The following TBCEL variants were observed in gnomAD, a reference collection of about 807,000 sequenced individuals.
TBCEL encodes tubulin folding cofactor E like, also known as tubulin-specific chaperone cofactor E-like protein.
A neutral mutation model predicts 44.2 loss-of-function variants in TBCEL; 15 were observed. The observed-to-expected ratio is 0.34, with a 90% CI of 0.23 to 0.52. The LOEUF is 0.52. Ranked by LOEUF, TBCEL falls within the 20% of genes least tolerant of loss-of-function variation. The pLI is 0.95. For missense variants in TBCEL, 319 were observed against 506.3 expected (o/e 0.63, Z 3.55); for synonymous variants, 171 against 185.4 (o/e 0.92, Z 0.63).
Position 121,055,091 on chromosome 11 carries a change from A to C in TBCEL, c.495A>C (p.Thr165=). The stretch of plus-strand genomic sequence containing the variant: ...TCCTGTGCCTTAATGACTATGAAAC[A>C]GTGTCTTGTCCTTCTATTTGCTGTC... The part of the protein sequence containing the change: ...ELFLCLNDYE[T]VSCPSICCHS... The change falls in exon 6 of 9, where the codon ACA becomes ACC. Residue 165 remains threonine (T), a synonymous_variant. Transcript: ENST00000683345. 3 of 1,584,782 alleles carry C rather than the reference A, an allele frequency of 1.9e-6. No individual in the cohort carries two copies. The highest frequency in any genetic ancestry group is 2.6e-6 in the Non-Finnish European group (3 of 1,162,966).
At chr11:121,026,823 A>T (rs1945054846) in intron 1 of TBCEL, among the ~76,000 whole-genome samples, 1 of 152,164 alleles carries the variant, frequency 6.6e-6, no homozygotes, top group Non-Finnish European at 1.5e-5. Flanking sequence ...ATTAAGGAAG[A>T]TTCTTATTTA....
chr11:121,088,943 C>G lies in TBCEL; in HGVS notation c.*1847C>G, dbSNP rs1184759137. 1 of 152,112 alleles carries G rather than the reference C, an allele frequency of 6.6e-6. No individual in the cohort carries two copies. Among genetic ancestry groups the G allele is most frequent in the Non-Finnish European group, 1.5e-5 (1 of 68,022 alleles). 9.4% of individuals were successfully genotyped at this position (152,112 alleles called of 1,614,324 possible). A position where few individuals can be genotyped will look rare whatever the true frequency, so the allele number is the denominator to read the frequency against. ...AATCATAAAAATGAGCAATGGAGAT[C>G]CAGGCTGGGTATAGACAAGAATAAT... On this transcript the variant is annotated 3_prime_UTR_variant, in exon 9 of 9. Coordinates refer to ENST00000683345, the MANE Select transcript of TBCEL (RefSeq NM_001363644.2).
intron 1 of TBCEL, among the ~76,000 whole-genome samples, chr11:121,034,752 A>G (rs763570896): frequency 1.2e-4 from 18 of 152,368 alleles, no homozygotes; most frequent in Middle Eastern, 6.8e-3. Flanking sequence ...TATATTATTT[A>G]AAATGAAAAG....
rs190167368 is a variant in TBCEL at position 121,071,198 on chromosome 11, T to G, written c.956+11113T>G. The stretch of plus-strand genomic sequence containing the variant: ...TTTTCAGTGTTCCCTTCATTTTGTG[T>G]TTACTTTCTCTCTCCATTTCCTCTG... On this transcript the variant is annotated intron_variant, in intron 8 of 8. Coordinates refer to ENST00000683345, the MANE Select transcript of TBCEL (RefSeq NM_001363644.2). Among the ~76,000 whole-genome samples the G allele has an allele frequency of 3.9e-3, 593 of 152,320 alleles. 2 individuals are homozygous for G. Among genetic ancestry groups the G allele is most frequent in the Middle Eastern group, 0.017 (5 of 294 alleles).
In TBCEL at chr11:121,089,342, T is replaced by C. The variant is rs1946260386; in HGVS notation, c.*2246T>C. ...ATTACAGAACACAGTGTTTATCAACTGCGGACATAATTCTTTTATTATACA... is the reference window on the plus strand; with the variant it reads ...ATTACAGAACACAGTGTTTATCAACCGCGGACATAATTCTTTTATTATACA... On this transcript the variant is annotated 3_prime_UTR_variant, in exon 9 of 9. Transcript: ENST00000683345. 1 of 152,234 alleles carries C rather than the reference T, an allele frequency of 6.6e-6. No individual in the cohort carries two copies. Among genetic ancestry groups the C allele is most frequent in the African/African-American group, 2.4e-5 (1 of 41,462 alleles). The allele number at this position is 152,234 out of a possible 1,614,324, so 9.4% of individuals were successfully genotyped here. A position where few individuals can be genotyped will look rare whatever the true frequency, so the allele number is the denominator to read the frequency against.
At chr11:121,065,425 A>G (rs903519423) in intron 8 of TBCEL, among the ~76,000 whole-genome samples, 4 of 152,144 alleles carry the variant, frequency 2.6e-5, no homozygotes, top group Non-Finnish European at 5.9e-5. Context: ...ATCCTCCTGT[A>G]TACCTCCATT....
At chr11:121,026,526 A>G (rs570664911) in intron 1 of TBCEL, among the ~76,000 whole-genome samples, 4 of 152,316 alleles carry the variant, frequency 2.6e-5, no homozygotes, top group African/African-American at 9.6e-5. Context: ...TTTGTAACAT[A>G]GAATTCAAAG....
At chr11:121,064,100 G>A (rs1945773773) in intron 8 of TBCEL, among the ~76,000 whole-genome samples, 1 of 152,164 alleles carries the variant, frequency 6.6e-6, no homozygotes, top group South Asian at 2.1e-4. Flanking sequence ...GCTTCCAGTT[G>A]GAATAATTGT....
chr11:121,089,467 A>T lies in TBCEL; in HGVS notation c.*2371A>T. ...AATAATTGCTGAATAATTTTTGATT[A>T]AGAGAAAAATGTAATACAATTACTG... On this transcript the variant is annotated 3_prime_UTR_variant, in exon 9 of 9. Coordinates refer to ENST00000683345, the MANE Select transcript of TBCEL (RefSeq NM_001363644.2). 1 of 152,320 alleles carries T rather than the reference A, an allele frequency of 6.6e-6. No homozygotes were observed. Among genetic ancestry groups the T allele is most frequent in the Non-Finnish European group, 1.5e-5 (1 of 68,030 alleles). The allele number at this position is 152,320 out of a possible 1,614,324, so 9.4% of individuals were successfully genotyped here.
chr11:121,027,687 C>T (rs1033645813), intron 1 of TBCEL, among the ~76,000 whole-genome samples: 6 of 152,218 alleles, frequency 3.9e-5, no homozygotes, highest in East Asian at 3.8e-4. Context: ...CATTTCATTT[C>T]AGATGACCCC....
intron 8 of TBCEL, among the ~76,000 whole-genome samples, chr11:121,060,519 A>C (rs559104472): frequency 6.6e-6 from 1 of 152,128 alleles, no homozygotes; most frequent in South Asian, 2.1e-4. Flanking sequence ...GAATATGAGA[A>C]AAGGACTGGA....
intron 8 of TBCEL, among the ~76,000 whole-genome samples, chr11:121,080,049 T>G (rs1392500434): frequency 6.6e-6 from 1 of 152,122 alleles, no homozygotes; most frequent in East Asian, 1.9e-4. Flanking sequence ...ACTCTTGACC[T>G]CAGGCAGTCC....
intron 8 of TBCEL, among the ~76,000 whole-genome samples, chr11:121,063,786 C>G (rs1286150773): frequency 6.6e-6 from 1 of 152,078 alleles, no homozygotes; most frequent in Non-Finnish European, 1.5e-5. Flanking sequence ...GTGTTCTGTA[C>G]CTGTTTGTTG....
At chr11:121,066,473 A>C (rs1337471299) in intron 8 of TBCEL, among the ~76,000 whole-genome samples, 1 of 152,232 alleles carries the variant, frequency 6.6e-6, no homozygotes, top group Non-Finnish European at 1.5e-5. Context: ...AAGGGCATTC[A>C]GATGCTGGAC....
At chr11:121,038,924 T>C (rs1291673288) in intron 2 of TBCEL, among the ~76,000 whole-genome samples, 3 of 152,202 alleles carry the variant, frequency 2.0e-5, no homozygotes, top group Non-Finnish European at 4.4e-5. Flanking sequence ...TGGAAGTGCT[T>C]CTCCTAAGGT....
intron 5 of TBCEL, among the ~76,000 whole-genome samples, 165 bp downstream of exon 5, chr11:121,053,897 A>G (rs576395278): frequency 1.3e-5 from 2 of 151,874 alleles, no homozygotes; most frequent in African/African-American, 4.8e-5. Flanking sequence ...GTAATCTAGT[A>G]GCATTTCCAG....
intron 4 of TBCEL, among the ~76,000 whole-genome samples, chr11:121,051,458 A>C (rs1030535504): frequency 6.6e-6 from 1 of 151,032 alleles, no homozygotes; most frequent in African/African-American, 2.4e-5. Flanking sequence ...TCCCCCTCCA[A>C]CCTCCACAAA....
chr11:121,081,518 T>G (rs749633662), intron 8 of TBCEL, among the ~76,000 whole-genome samples: 24 of 152,200 alleles, frequency 1.6e-4, no homozygotes, highest in Non-Finnish European at 2.4e-4. Flanking sequence ...AGAGAATGCT[T>G]AGTCAGCAGA....
chr11:121,072,196 A>G (rs1313633773), intron 8 of TBCEL, among the ~76,000 whole-genome samples: 3 of 152,160 alleles, frequency 2.0e-5, no homozygotes, highest in South Asian at 2.1e-4. Flanking sequence ...GATTGGAGTC[A>G]TATACAAGTA....
Sources: gnomAD v4.1 joint callset for allele counts (sites outside exome capture counted in the v4.1 genomes callset) on GRCh38, gnomAD v4.1.1 for gene constraint, MANE v1.5 for transcripts, NCBI Gene and HGNC (gene_info 2026-07-23, HGNC 2026-07-21) for gene names.